Variants in PDE10A observed in about 807,000 individuals in gnomAD.
PDE10A encodes the protein phosphodiesterase 10A.
A neutral mutation model predicts 97.7 loss-of-function variants in PDE10A; 39 were observed. The ratio of observed to expected loss-of-function variants is 0.40; its 90% CI spans 0.31 to 0.52. The LOEUF (loss-of-function observed/expected upper bound fraction) is 0.52. Ranked by LOEUF, PDE10A falls within the 20% of genes least tolerant of loss-of-function variation. The pLI, the probability that PDE10A is intolerant of heterozygous loss-of-function variation, is 0.56. For missense variants in PDE10A, 731 were observed against 1,047.8 expected (o/e 0.70, Z 4.17); for synonymous variants, 371 against 376.8 (o/e 0.98, Z 0.18).
intron 1 of PDE10A, among the ~76,000 whole-genome samples, chr6:165,779,350 T>C (rs1447252395): frequency 6.6e-6 from 1 of 152,216 alleles, no homozygotes; most frequent in East Asian, 1.9e-4. Context: ...TGAATGATCG[T>C]GTGTTCACAC....
At chr6:165,846,319 C>T (rs544896326) in intron 1 of PDE10A, among the ~76,000 whole-genome samples, 1 of 152,304 alleles carries the variant, frequency 6.6e-6, no homozygotes, top group Non-Finnish European at 1.5e-5. Context: ...ATCATTCCAC[C>T]CCCTCCATCG....
chr6:165,889,999 C>A (rs1484365769), intron 1 of PDE10A, among the ~76,000 whole-genome samples: 1 of 128,762 alleles, frequency 7.8e-6, no homozygotes, highest in African/African-American at 2.9e-5. Flanking sequence ...TCACTCCTCC[C>A]TCCCTCACTC....
chr6:165,646,816 A>C (rs1789421835), intron 1 of PDE10A, among the ~76,000 whole-genome samples: 1 of 152,246 alleles, frequency 6.6e-6, no homozygotes, highest in Admixed American at 6.5e-5. Flanking sequence ...ACCTACTGAG[A>C]GACAGAAGCC....
At chr6:165,635,823 T>G (rs1788848032) in intron 1 of PDE10A, among the ~76,000 whole-genome samples, 1 of 152,200 alleles carries the variant, frequency 6.6e-6, no homozygotes, top group East Asian at 1.9e-4. Flanking sequence ...AGAGAAAAAT[T>G]ATTAATAAAA....
At chr6:165,614,107 C>T (rs925061035) in intron 1 of PDE10A, among the ~76,000 whole-genome samples, 1 of 152,192 alleles carries the variant, frequency 6.6e-6, no homozygotes, top group African/African-American at 2.4e-5. Context: ...TTACTTTGAC[C>T]TCTTTTGTCA....
intron 11 of PDE10A, among the ~76,000 whole-genome samples, chr6:165,417,138 C>T (rs1048538725): frequency 6.6e-6 from 1 of 152,158 alleles, no homozygotes; most frequent in Admixed American, 6.5e-5. Flanking sequence ...AGAGGACTAT[C>T]AGAAAAACTC....
At chr6:165,818,362 T>C (rs62427307) in intron 1 of PDE10A, among the ~76,000 whole-genome samples, 1 of 152,164 alleles carries the variant, frequency 6.6e-6, no homozygotes, top group Admixed American at 6.6e-5. Context: ...CCGAGGTTGG[T>C]TTCCTCTGTG....
intron 3 of PDE10A, among the ~76,000 whole-genome samples, chr6:165,455,565 CA>C (rs1359018155): frequency 6.6e-6 from 1 of 152,228 alleles, no homozygotes; most frequent in Non-Finnish European, 1.5e-5. Context: ...TTTCAAACTT[CA>C]AAAACTACTA....
At chr6:165,620,881 T>C (rs10946087) in intron 1 of PDE10A, among the ~76,000 whole-genome samples, 45,249 of 151,528 alleles carry the variant, frequency 0.3, 7,693 homozygotes, top group African/African-American at 0.48. Context: ...GTTAGCTGGG[T>C]ATGATAGTGT....
In PDE10A at chr6:165,711,326, G is replaced by T. The variant is rs967074892; in HGVS notation, c.-614-167758C>A. Among the ~76,000 whole-genome samples, 2 of 152,172 alleles carry T rather than the reference G, an allele frequency of 1.3e-5. No individual in the cohort carries two copies. The highest frequency in any genetic ancestry group is 4.8e-5 in the African/African-American group (2 of 41,450). On this transcript the variant is annotated intron_variant, in intron 1 of 19. Coordinates refer to the PDE10A transcript ENST00000366882. This position sits in a 1 kb window ranked among gnomAD's most constrained non-coding sequence, Gnocchi z 4.5. ...GGGCACTGTGGCACCATTACAGATG[G>T]TATGATTCAGCGTGCTAAAGGCAGC...
At chr6:165,546,201 G>A (rs1783730313) in intron 1 of PDE10A, among the ~76,000 whole-genome samples, 1 of 152,000 alleles carries the variant, frequency 6.6e-6, no homozygotes, top group African/African-American at 2.4e-5. Context: ...ATACAACACT[G>A]GAGAAAAGGC....
At chr6:165,740,915 T>C (rs1220260168) in intron 1 of PDE10A, among the ~76,000 whole-genome samples, 1 of 152,184 alleles carries the variant, frequency 6.6e-6, no homozygotes, top group Non-Finnish European at 1.5e-5. Context: ...ACACAAAGTT[T>C]CAGTCATGTT....
intron 1 of PDE10A, among the ~76,000 whole-genome samples, chr6:165,567,989 A>C (rs1784857689): frequency 8.4e-6 from 1 of 118,804 alleles, no homozygotes. Flanking sequence ...GGTACGCAAC[A>C]AGGCATTTTT....
intron 1 of PDE10A, among the ~76,000 whole-genome samples, chr6:165,618,146 C>T (rs1469864023): frequency 6.6e-6 from 1 of 152,132 alleles, no homozygotes; most frequent in Admixed American, 6.5e-5. Context: ...TATATGTATA[C>T]ATTTTATGTG....
chr6:165,963,710 A>T (rs2128498969), intron 1 of PDE10A, among the ~76,000 whole-genome samples: 2 of 152,170 alleles, frequency 1.3e-5, no homozygotes, highest in South Asian at 4.2e-4. Context: ...AAAAGCCTCA[A>T]CTCCTTCCTC....
At chr6:165,377,806 TAA>T (rs930327159) in intron 18 of PDE10A, among the ~76,000 whole-genome samples, 15 of 152,052 alleles carry the variant, frequency 9.9e-5, no homozygotes, top group Non-Finnish European at 1.9e-4. Context: ...GTTGGAGACA[TAA>T]AGACTGTAGA....
intron 1 of PDE10A, among the ~76,000 whole-genome samples, chr6:165,762,978 G>A (rs542711823): frequency 6.6e-6 from 1 of 152,104 alleles, no homozygotes; most frequent in South Asian, 2.1e-4. Flanking sequence ...ACTTTCAAAA[G>A]CCCTGGAACA....
chr6:165,823,886 A>G lies in PDE10A; in HGVS notation c.-615+163643T>C, dbSNP rs548390296. ...ATTGAACAAAATGTCATTGTATGACATGTGACGGTATTTATGCTTTAAGTA... is the reference window on the plus strand; with the variant it reads ...ATTGAACAAAATGTCATTGTATGACGTGTGACGGTATTTATGCTTTAAGTA... On this transcript the variant is annotated intron_variant, in intron 1 of 19. Transcript: ENST00000366882. Among the ~76,000 whole-genome samples the G allele has an allele frequency of 4.1e-4, 62 of 152,326 alleles. 1 individual carries two copies. The highest frequency in any genetic ancestry group is 3.7e-3 in the Admixed American group (57 of 15,298).
chr6:165,951,655 C>A (rs1783965924), intron 1 of PDE10A, among the ~76,000 whole-genome samples: 1 of 152,128 alleles, frequency 6.6e-6, no homozygotes, highest in South Asian at 2.1e-4. Flanking sequence ...AACACTGACT[C>A]CCCCATTTAG....
Sources: gnomAD v4.1 joint callset for allele counts (sites outside exome capture counted in the v4.1 genomes callset) on GRCh38, gnomAD v4.1.1 for gene constraint, Gnocchi (gnomAD v3.1) non-coding constraint, MANE v1.5 for transcripts, NCBI Gene and HGNC (gene_info 2026-07-23, HGNC 2026-07-21) for gene names.